Variants in WDFY3 observed in about 807,000 individuals in gnomAD.
The protein encoded by WDFY3 is WD repeat and FYVE domain containing 3.
WDFY3 carries 66 observed loss-of-function variants against 409.6 expected under a neutral mutation model. The ratio of observed to expected loss-of-function variants is 0.16; its 90% CI spans 0.13 to 0.20. The LOEUF is 0.20. Among genes scored for constraint, WDFY3 ranks in the 10% least tolerant of loss-of-function variants. The pLI is 1.00. For missense variants in WDFY3, 3,031 were observed against 4,298.1 expected (o/e 0.71, Z 8.24); for synonymous variants, 1,521 against 1,537.1 (o/e 0.99, Z 0.25).
intron 2 of WDFY3, among the ~76,000 whole-genome samples, chr4:84,908,619 C>T (rs911617213): frequency 6.6e-6 from 1 of 152,164 alleles, no homozygotes; most frequent in African/African-American, 2.4e-5. Flanking sequence ...TAGTCATTTA[C>T]AACTGACAAG....
At chr4:84,929,584 G>T (rs115176989) in intron 2 of WDFY3, among the ~76,000 whole-genome samples, 222 of 152,070 alleles carry the variant, frequency 1.5e-3, no homozygotes, top group African/African-American at 4.9e-3. Context: ...ATCAGGGTGG[G>T]CTCTAATCCA....
At chr4:84,727,871 G>T (rs931673847) in intron 44 of WDFY3, among the ~76,000 whole-genome samples, 2 of 152,002 alleles carry the variant, frequency 1.3e-5, no homozygotes, top group African/African-American at 4.8e-5. Context: ...AACTTGTAAA[G>T]GTATATCTTA....
chr4:84,851,319 ATAT>A (rs1241569302), intron 4 of WDFY3, among the ~76,000 whole-genome samples: 1 of 152,148 alleles, frequency 6.6e-6, no homozygotes. Flanking sequence ...ACAGTAATTT[ATAT>A]TATTATTACC....
chr4:84,785,775 A>G (rs939371605), intron 24 of WDFY3, among the ~76,000 whole-genome samples: 1 of 152,172 alleles, frequency 6.6e-6, no homozygotes, highest in African/African-American at 2.4e-5. Context: ...TGTACTCATA[A>G]CAGAAACTGT....
Position 84,672,453 on chromosome 4 carries a change from CAT to C in WDFY3, c.*413_*414del, listed in dbSNP as rs1725567588. 1 of 155,454 alleles carries C rather than the reference CAT, an allele frequency of 6.4e-6. No homozygotes were observed. Among genetic ancestry groups the C allele is most frequent in the Non-Finnish European group, 1.4e-5 (1 of 70,276 alleles). The allele number at this position is 155,454 out of a possible 1,614,324, so 9.6% of individuals were successfully genotyped here. On this transcript the variant is annotated 3_prime_UTR_variant, in exon 68 of 68. Coordinates refer to ENST00000295888, the MANE Select transcript of WDFY3 (RefSeq NM_014991.6). ...GCCTTTTATATCTATTTACAATATA[CAT>C]AGTTACTTGCAAAGAAGTCAGATTT...
intron 44 of WDFY3, among the ~76,000 whole-genome samples, chr4:84,728,354 C>A (rs1043507094): frequency 6.6e-6 from 1 of 151,688 alleles, no homozygotes; most frequent in Non-Finnish European, 1.5e-5. Context: ...CATAGCAAAC[C>A]CCCCATCTCT....
At chr4:84,712,891 T>C (rs1266600023) in intron 51 of WDFY3, among the ~76,000 whole-genome samples, 1 of 152,196 alleles carries the variant, frequency 6.6e-6, no homozygotes, top group African/African-American at 2.4e-5. Context: ...GAATAAAAAC[T>C]TGTATTTAGA....
chr4:84,678,115 G>T, intron 66 of WDFY3, 53 bp downstream of exon 66: 1 of 1,425,334 alleles, frequency 7.0e-7, no homozygotes, highest in Non-Finnish European at 9.9e-7. Flanking sequence ...GTGGCCCTTG[G>T]CTAACCAAAT....
chr4:84,727,575 G>A (rs1417382331), intron 44 of WDFY3, among the ~76,000 whole-genome samples: 1 of 152,134 alleles, frequency 6.6e-6, no homozygotes, highest in Non-Finnish European at 1.5e-5. Flanking sequence ...TTTATTTTCA[G>A]AATAAAATCC....
At chr4:84,893,766 C>T (rs1237588353) in intron 3 of WDFY3, among the ~76,000 whole-genome samples, 1 of 152,072 alleles carries the variant, frequency 6.6e-6, no homozygotes, top group Non-Finnish European at 1.5e-5. Context: ...GCAGGTAGAT[C>T]ATAAGGTCAG....
At chr4:84,827,399 A>T (rs1173123192) in intron 9 of WDFY3, among the ~76,000 whole-genome samples, 2 of 152,092 alleles carry the variant, frequency 1.3e-5, no homozygotes, top group African/African-American at 4.8e-5. Flanking sequence ...GTATGTTGTA[A>T]CCTATTTTTT....
intron 36 of WDFY3, among the ~76,000 whole-genome samples, chr4:84,747,502 C>G (rs953466078): frequency 6.6e-6 from 1 of 152,096 alleles, no homozygotes; most frequent in Non-Finnish European, 1.5e-5. Context: ...ATGGGGAGCT[C>G]TTGTAGAAGA....
chr4:84,748,683 T>C (rs1330016941), intron 36 of WDFY3, among the ~76,000 whole-genome samples: 2 of 152,192 alleles, frequency 1.3e-5, no homozygotes, highest in African/African-American at 2.4e-5. Context: ...AATCTCCTAC[T>C]TTTATGCTAA....
In WDFY3 at chr4:84,801,679, G is replaced by A; in HGVS notation, c.2793C>T (p.Ala931=). The change falls in exon 17 of 68, where the codon GCC becomes GCT. Residue 931 remains alanine, a synonymous_variant. Coordinates refer to ENST00000295888, the MANE Select transcript of WDFY3 (RefSeq NM_014991.6). ...ACACCATGGGTTCCAGAGCCTGAGAGGCTAATCGTTCAAACATCCGCTGCA... is the reference window on the plus strand; with the variant it reads ...ACACCATGGGTTCCAGAGCCTGAGAAGCTAATCGTTCAAACATCCGCTGCA... ...PPLQRMFERL[A]SQALEPMVLR... 6.2e-7 allele frequency: 1 copy of A among 1,611,932 alleles called. No individual in the cohort carries two copies. The highest frequency in any genetic ancestry group is 8.5e-7 in the Non-Finnish European group (1 of 1,179,520).
chr4:84,695,677 T>C (rs1043815508), intron 58 of WDFY3, among the ~76,000 whole-genome samples: 2 of 152,170 alleles, frequency 1.3e-5, no homozygotes, highest in Non-Finnish European at 2.9e-5. Context: ...CAAAACCTTG[T>C]CTCTGTGTAT....
chr4:84,736,348 A>G (rs1737425768), intron 41 of WDFY3, 21 bp from the exon 42 acceptor site: 1 of 1,565,294 alleles, frequency 6.4e-7, no homozygotes, highest in East Asian at 2.3e-5. Flanking sequence ...ATCAAATTAG[A>G]TTATTTTATA....
At chr4:84,873,263 A>G (rs1275883008) in intron 3 of WDFY3, among the ~76,000 whole-genome samples, 1 of 152,224 alleles carries the variant, frequency 6.6e-6, no homozygotes, top group East Asian at 1.9e-4. Flanking sequence ...TCACCAAGAC[A>G]GACCACACTC....
chr4:84,757,231 G>T, intron 32 of WDFY3, 70 bp from the exon 33 acceptor site: 2 of 1,391,162 alleles, frequency 1.4e-6, no homozygotes, highest in South Asian at 1.2e-5. Flanking sequence ...TAACAAAGAA[G>T]GAAGTAATTC....
intron 13 of WDFY3, 75 bp downstream of exon 13, chr4:84,817,317 A>C: frequency 1.3e-6 from 2 of 1,558,260 alleles, no homozygotes; most frequent in Admixed American, 3.7e-5. Context: ...CCTGTCTCTA[A>C]CTTAAATACA....
Sources: gnomAD v4.1 joint callset for allele counts (sites outside exome capture counted in the v4.1 genomes callset) on GRCh38, gnomAD v4.1.1 for gene constraint, MANE v1.5 for transcripts, NCBI Gene and HGNC (gene_info 2026-07-23, HGNC 2026-07-21) for gene names.